The following NR1H4 variants were observed in gnomAD, a reference collection of about 807,000 sequenced individuals.
NR1H4 encodes nuclear receptor subfamily 1 group H member 4.
Under a neutral mutation model 58.5 loss-of-function variants are expected in NR1H4, and 23 were observed. That is an observed-to-expected ratio of 0.39 (90% confidence interval 0.28 to 0.56). The LOEUF is 0.56. Among genes scored for constraint, NR1H4 ranks in the 20% least tolerant of loss-of-function variants. The pLI, the probability that NR1H4 is intolerant of heterozygous loss-of-function variation, is 0.58. For missense variants in NR1H4, 487 were observed against 576.9 expected (o/e 0.84, Z 1.60); for synonymous variants, 214 against 198.0 (o/e 1.08, Z -0.68).
intron 1 of NR1H4, among the ~76,000 whole-genome samples, chr12:100,486,987 A>C (rs1953505190): frequency 1.3e-5 from 2 of 152,236 alleles, no homozygotes; most frequent in South Asian, 4.1e-4. Context: ...GAACTCTGCC[A>C]AGTCAATAAA....
intron 3 of NR1H4, chr12:100,499,939 T>C (rs769477348): frequency 1.1e-5 from 5 of 456,032 alleles, no homozygotes; most frequent in South Asian, 7.7e-5. Flanking sequence ...ACTTGCCTTA[T>C]TTAAATAAGG....
chr12:100,523,297 A>G (rs533619685), intron 4 of NR1H4, among the ~76,000 whole-genome samples: 97 of 152,244 alleles, frequency 6.4e-4, no homozygotes, highest in African/African-American at 2.2e-3. Context: ...GCATTTCCCC[A>G]ATGATTAGTG....
chr12:100,553,503 T>A (rs993789788), intron 9 of NR1H4, among the ~76,000 whole-genome samples: 2 of 152,202 alleles, frequency 1.3e-5, no homozygotes, highest in African/African-American at 4.8e-5. Flanking sequence ...ACAGGGATCC[T>A]GCCTTGTATT....
chr12:100,555,474 T>C (rs1038988398), intron 9 of NR1H4, among the ~76,000 whole-genome samples: 6 of 152,332 alleles, frequency 3.9e-5, no homozygotes, highest in Non-Finnish European at 7.4e-5. Context: ...TTTTAAAACC[T>C]ACATGGCTTT....
Position 100,540,774 on chromosome 12 carries a change from C to T in NR1H4, c.1034C>T (p.Pro345Leu), listed in dbSNP as rs768234999. 20 of 1,614,100 alleles carry T rather than the reference C, an allele frequency of 1.2e-5. No homozygotes were observed. The highest frequency in any genetic ancestry group is 4.5e-5 in the East Asian group (2 of 44,868). ...RSAEIFNKKLPSGHSDLLEER... is the reference protein window; with the variant it reads ...RSAEIFNKKLLSGHSDLLEER... ...GCTGAGATTTTCAATAAGAAACTTC[C>T]GTCTGGGCATTCTGACCTATTGGAA... The change falls in exon 9 of 11, where the codon CCG becomes CTG. Residue 345 changes from proline to leucine, a missense_variant. Physicochemically the swap from Pro to Leu is moderately conservative, Grantham distance 98. Coordinates refer to ENST00000392986, the MANE Select transcript of NR1H4 (RefSeq NM_001206979.2).
intron 4 of NR1H4, among the ~76,000 whole-genome samples, chr12:100,529,464 A>G (rs1449655800): frequency 6.6e-6 from 1 of 152,052 alleles, no homozygotes; most frequent in Admixed American, 6.6e-5. Flanking sequence ...CTCTTTCAAC[A>G]TGGTAAAGAC....
chr12:100,547,480 A>G (rs1955098016), intron 9 of NR1H4, among the ~76,000 whole-genome samples: 1 of 152,132 alleles, frequency 6.6e-6, no homozygotes, highest in Non-Finnish European at 1.5e-5. Context: ...CTGAAGTGGT[A>G]TGCACAACTT....
Position 100,521,942 on chromosome 12 carries a change from G to A in NR1H4, c.446-10516G>A, listed in dbSNP as rs570039273. On this transcript the variant is annotated intron_variant, in intron 4 of 10. Coordinates refer to ENST00000392986, the MANE Select transcript of NR1H4 (RefSeq NM_001206979.2). ...TTCACTGCATTGGAACCCTTTTGTA[G>A]TAAGTGTTATGAAAATCGTGGGAAG... Among the ~76,000 whole-genome samples, 101 of 152,288 alleles carry A rather than the reference G, an allele frequency of 6.6e-4. 1 individual carries two copies. Among genetic ancestry groups the A allele is most frequent in the Admixed American group, 6.6e-3 (101 of 15,306 alleles).
chr12:100,510,981 ACT>A lies in NR1H4; in HGVS notation c.288_289del (p.Tyr97ProfsTer5). On this transcript the variant is annotated frameshift_variant, in exon 4 of 11. Coordinates refer to ENST00000392986, the MANE Select transcript of NR1H4 (RefSeq NM_001206979.2). LOFTEE classifies it high-confidence loss of function. ...TGAACTCAGGCGTATGCCAGCTGAG[ACT>A]CTCTACCAGGGAGAAACTGAGGTAG... Reference protein sequence around the residue: ...IYELRRMPAETLYQGETEVAE... With the variant: ...IYELRRMPAEXLYQGETEVAE... The A allele has an allele frequency of 6.2e-7, 1 of 1,614,168 alleles. No individual in the cohort carries two copies. The highest frequency in any genetic ancestry group is 8.5e-7 in the Non-Finnish European group (1 of 1,180,028).
intron 3 of NR1H4, among the ~76,000 whole-genome samples, chr12:100,507,223 G>A (rs140227728): frequency 1.3e-3 from 192 of 152,252 alleles, no homozygotes; most frequent in Non-Finnish European, 2.0e-3. Flanking sequence ...CTAAGTGTAC[G>A]TGAAACTAAT....
At chr12:100,537,127 C>T (rs1474053617) in intron 8 of NR1H4, 80 bp downstream of exon 8, 55 of 898,080 alleles carry the variant, frequency 6.1e-5, no homozygotes, top group South Asian at 4.4e-4. Flanking sequence ...ATTTTACATA[C>T]GGTGTTTTAA....
At chr12:100,523,731 G>A (rs2136205125) in intron 4 of NR1H4, among the ~76,000 whole-genome samples, 1 of 152,220 alleles carries the variant, frequency 6.6e-6, no homozygotes, top group Admixed American at 6.5e-5. Context: ...GTCATACACT[G>A]TTTTCAAAAC....
rs1954090304 is a variant in NR1H4 at position 100,510,765 on chromosome 12, C to T, written c.80-13C>T. The T allele has an allele frequency of 6.2e-7, 1 of 1,613,636 alleles. No homozygotes were observed. Among genetic ancestry groups the T allele is most frequent in the Non-Finnish European group, 8.5e-7 (1 of 1,179,844 alleles). On this transcript the variant is annotated splice_polypyrimidine_tract_variant and intron_variant, in intron 3 of 10. Transcript: ENST00000392986. ...ATGACATTCATTCCAGTTTTGTTGT[C>T]ACTTTTGTTCAGGTGTTTTAACAGA...
At chr12:100,520,275 T>G (rs1954381442) in intron 4 of NR1H4, among the ~76,000 whole-genome samples, 1 of 152,188 alleles carries the variant, frequency 6.6e-6, no homozygotes, top group Non-Finnish European at 1.5e-5. Flanking sequence ...GGCTCTGCAC[T>G]TCTTGGCTGA....
chr12:100,476,863 G>A (rs1953282043), intron 1 of NR1H4, among the ~76,000 whole-genome samples: 1 of 151,906 alleles, frequency 6.6e-6, no homozygotes, highest in South Asian at 2.1e-4. Context: ...CTCTAGCCTG[G>A]GTAACATAGA....
rs144715621 is a variant in NR1H4, at chr12:100,503,473, T to G, written c.80-7305T>G. On this transcript the variant is annotated intron_variant, in intron 3 of 10. Coordinates refer to ENST00000392986, the MANE Select transcript of NR1H4 (RefSeq NM_001206979.2). Reference sequence around the variant, plus strand: ...ACGCCGTCAGGATTTTTCATGGAAATGATGAGTATGAAGCCCGCGAAAGGT... The same window carrying G: ...ACGCCGTCAGGATTTTTCATGGAAAGGATGAGTATGAAGCCCGCGAAAGGT... The G allele has an allele frequency of 7.6e-4, 1,214 of 1,597,232 alleles. 8 individuals are homozygous for G. In the African/African-American group the frequency reaches 0.015, roughly 19 times the overall value.
intron 7 of NR1H4, 141 bp downstream of exon 7, chr12:100,536,751 C>A: frequency 1.5e-6 from 1 of 683,810 alleles, no homozygotes. Context: ...TTTAAACTCT[C>A]AGCAACATTA....
intron 3 of NR1H4, among the ~76,000 whole-genome samples, chr12:100,499,343 C>A (rs1254062352): frequency 3.3e-5 from 5 of 152,170 alleles, no homozygotes; most frequent in Non-Finnish European, 7.3e-5. Context: ...TAAAATGAAG[C>A]TTTGTTTCAG....
chr12:100,522,177 G>A (rs1369319345), intron 4 of NR1H4, among the ~76,000 whole-genome samples: 2 of 152,052 alleles, frequency 1.3e-5, no homozygotes, highest in African/African-American at 4.8e-5. Flanking sequence ...TGATAATGAT[G>A]ATGATGGTGA....
Sources: allele counts gnomAD v4.1 joint callset (sites outside exome capture counted in the v4.1 genomes callset), GRCh38; gene constraint gnomAD v4.1.1; transcripts MANE v1.5; gene names NCBI Gene and HGNC (gene_info 2026-07-23, HGNC 2026-07-21).